Variants in SHANK2 observed in about 807,000 individuals in gnomAD.
SHANK2 encodes SH3 and multiple ankyrin repeat domains 2.
Under a neutral mutation model 133.7 loss-of-function variants are expected in SHANK2, and 43 were observed. The observed-to-expected ratio is 0.32, with a 90% confidence interval of 0.25 to 0.41. The LOEUF (loss-of-function observed/expected upper bound fraction) is 0.41. SHANK2 is among the 10% of genes least tolerant of loss of function. The probability of loss-of-function intolerance (pLI) is 1.00; values close to 1 mark genes in which losing one functional copy is unlikely to be tolerated. For synonymous variants in SHANK2, 1,017 were observed against 952.8 expected, an observed-to-expected ratio of 1.07 and a Z score of -1.24; for missense variants, 1,994 against 2,235.8, an observed-to-expected ratio of 0.89 and a Z score of 2.18.
intron 15 of SHANK2, among the ~76,000 whole-genome samples, chr11:70,680,645 C>G (rs1366698538): frequency 1.3e-5 from 2 of 152,104 alleles, no homozygotes; most frequent in African/African-American, 4.8e-5. Flanking sequence ...TCCCCTTGGC[C>G]GGGTGAAGTC....
chr11:71,122,275 A>G (rs1406173647), intron 3 of SHANK2, among the ~76,000 whole-genome samples: 1 of 152,248 alleles, frequency 6.6e-6, no homozygotes, highest in Non-Finnish European at 1.5e-5. Flanking sequence ...GACTGGATTA[A>G]GAAAATGTGG....
intron 3 of SHANK2, among the ~76,000 whole-genome samples, chr11:71,121,476 G>A (rs1314448574): frequency 1.3e-5 from 2 of 152,234 alleles, no homozygotes; most frequent in African/African-American, 4.8e-5. Flanking sequence ...CCCTTTGTCA[G>A]ATGGACAGAT....
At chr11:70,667,498 G>A (rs1364632198) in intron 15 of SHANK2, among the ~76,000 whole-genome samples, 1 of 152,130 alleles carries the variant, frequency 6.6e-6, no homozygotes, top group East Asian at 1.9e-4. Context: ...TGTCTGCCTC[G>A]CAAGACCACA....
At chr11:70,715,115 C>T (rs111704784) in intron 14 of SHANK2, among the ~76,000 whole-genome samples, 4,130 of 152,202 alleles carry the variant, frequency 0.027, 184 homozygotes, top group African/African-American at 0.094. Context: ...CCACCTATAA[C>T]ATTTTTGAAA....
intron 17 of SHANK2, among the ~76,000 whole-genome samples, chr11:70,631,402 A>ACC: frequency 6.7e-6 from 1 of 150,210 alleles, no homozygotes; most frequent in African/African-American, 2.5e-5. Context: ...ACACACACAC[A>ACC]CACACACCCA....
Position 70,471,361 on chromosome 11 carries a change from C to T in SHANK2, c.*1508G>A, listed in dbSNP as rs1218356355. 1 of 398,844 alleles carries T rather than the reference C, an allele frequency of 2.5e-6. No individual in the cohort carries two copies. Among genetic ancestry groups the T allele is most frequent in the Non-Finnish European group, 4.4e-6 (1 of 226,060 alleles). The allele number at this position is 398,844 out of a possible 1,614,324, so 24.7% of individuals were successfully genotyped here. The stretch of plus-strand genomic sequence containing the variant: ...AAAAACCTGACATTCGAGTATCCTC[C>T]AAATGGGGGAGAATGTGCTGGAAGC... On this transcript the variant is annotated 3_prime_UTR_variant, in exon 26 of 26. Transcript: ENST00000601538. This position sits in a 1 kb window ranked among gnomAD's most constrained non-coding sequence, Gnocchi z 4.1.
chr11:70,561,625 C>A (rs2059909454), intron 17 of SHANK2, among the ~76,000 whole-genome samples: 1 of 151,832 alleles, frequency 6.6e-6, no homozygotes, highest in African/African-American at 2.4e-5. Flanking sequence ...AACTTCTGGG[C>A]TCAAGTGATG....
chr11:70,571,846 G>A (rs1393509382), intron 17 of SHANK2, among the ~76,000 whole-genome samples: 6 of 152,094 alleles, frequency 3.9e-5, no homozygotes, highest in African/African-American at 9.7e-5. Flanking sequence ...ACTGGAAAGC[G>A]AGAGAGGAGG....
chr11:70,528,554 G>A (rs540326479), intron 17 of SHANK2, among the ~76,000 whole-genome samples: 9 of 152,244 alleles, frequency 5.9e-5, no homozygotes, highest in Non-Finnish European at 1.0e-4. Context: ...GTCAGCCAGC[G>A]TGGGGGCAGC....
At chr11:70,690,883 A>G (rs936919843) in intron 15 of SHANK2, among the ~76,000 whole-genome samples, 72 of 152,044 alleles carry the variant, frequency 4.7e-4, no homozygotes, top group African/African-American at 1.4e-3. Flanking sequence ...TGTGTCAAGG[A>G]TGTTTCACAT....
chr11:70,683,926 G>C (rs1454052508), intron 15 of SHANK2, among the ~76,000 whole-genome samples: 1 of 152,002 alleles, frequency 6.6e-6, no homozygotes, highest in Non-Finnish European at 1.5e-5. Context: ...TGGGATTACA[G>C]GCCTACACCA....
At chr11:71,123,132 C>G (rs1332224515) in intron 3 of SHANK2, among the ~76,000 whole-genome samples, 1 of 152,188 alleles carries the variant, frequency 6.6e-6, no homozygotes, top group Non-Finnish European at 1.5e-5. Flanking sequence ...TCAGAAGACA[C>G]TTTGGATGAA....
intron 11 of SHANK2, among the ~76,000 whole-genome samples, chr11:70,860,322 T>A (rs536555932): frequency 6.6e-6 from 1 of 152,322 alleles, no homozygotes; most frequent in Non-Finnish European, 1.5e-5. Context: ...GAATGTCCCC[T>A]TAGGCCATGT....
At chr11:70,935,857 C>T (rs911838731) in intron 10 of SHANK2, among the ~76,000 whole-genome samples, 4 of 152,158 alleles carry the variant, frequency 2.6e-5, no homozygotes, top group Admixed American at 6.5e-5. Context: ...TGTGAGCGGG[C>T]CTCTTACACC....
intron 2 of SHANK2, among the ~76,000 whole-genome samples, chr11:71,220,538 C>T (rs1954514658): frequency 6.6e-6 from 1 of 152,146 alleles, no homozygotes; most frequent in African/African-American, 2.4e-5. Flanking sequence ...CCAGTGTCCA[C>T]CACTGGATGA....
At chr11:70,635,707 C>T (rs1166778641) in intron 17 of SHANK2, among the ~76,000 whole-genome samples, 3 of 151,208 alleles carry the variant, frequency 2.0e-5, no homozygotes, top group Non-Finnish European at 2.9e-5. Context: ...GTAAATTTTA[C>T]GGTATGTGCA....
chr11:70,811,562 TCCATCCATCCATCCATCTAC>T (rs1300868952), intron 12 of SHANK2, among the ~76,000 whole-genome samples: 1 of 151,730 alleles, frequency 6.6e-6, no homozygotes. Flanking sequence ...CCATCATCGA[TCCATCCATCCATCCATCTAC>T]CCATCCATCC....
At chr11:71,176,319 T>C (rs1446186254) in intron 2 of SHANK2, among the ~76,000 whole-genome samples, 1 of 152,204 alleles carries the variant, frequency 6.6e-6, no homozygotes, top group East Asian at 1.9e-4. Flanking sequence ...TAAATTCATA[T>C]TTTATAATGT....
At chr11:70,749,337 A>G (rs1946709834) in intron 14 of SHANK2, among the ~76,000 whole-genome samples, 2 of 152,246 alleles carry the variant, frequency 1.3e-5, no homozygotes, top group South Asian at 4.1e-4. Context: ...AAAGGAGTGG[A>G]GCAAAAGCTT....
Sources: allele counts gnomAD v4.1 joint callset (sites outside exome capture counted in the v4.1 genomes callset), GRCh38; gene constraint gnomAD v4.1.1; non-coding constraint Gnocchi (gnomAD v3.1); transcripts MANE v1.5; gene names NCBI Gene and HGNC (gene_info 2026-07-23, HGNC 2026-07-21).